FBXO25: variants seen among roughly 807,000 people sequenced by gnomAD.
FBXO25 encodes F-box only protein 25.
In FBXO25, 45 loss-of-function variants were observed where a neutral mutation model predicts 51.9. The observed-to-expected ratio is 0.87, with a 90% CI of 0.68 to 1.11. The LOEUF is 1.11. Among genes scored for constraint, FBXO25 ranks in the 50% most tolerant of loss-of-function variants. The probability of loss-of-function intolerance (pLI) is 0.00; values close to 1 mark genes in which losing one functional copy is unlikely to be tolerated. For synonymous variants in FBXO25, 199 were observed against 151.0 expected, an observed-to-expected ratio of 1.32 and a Z score of -2.33; for missense variants, 507 against 428.5, an observed-to-expected ratio of 1.18 and a Z score of -1.62.
rs1268878645 is a variant in FBXO25, at chr8:473,376, AG to A, written c.*4573del. The stretch of plus-strand genomic sequence containing the variant: ...TGGCACCTGCACATGCACCCCCAGC[AG>A]TCCTCTCTAAACTCAGGCAGTGTAT... On this transcript the variant is annotated 3_prime_UTR_variant, in exon 10 of 10. Coordinates refer to ENST00000350302, the MANE Select transcript of FBXO25 (RefSeq NM_183420.2). 2 of 152,286 alleles carry A rather than the reference AG, an allele frequency of 1.3e-5. No individual in the cohort carries two copies. Among genetic ancestry groups the A allele is most frequent in the African/African-American group, 2.4e-5 (1 of 41,440 alleles). 9.4% of individuals were successfully genotyped at this position (152,286 alleles called of 1,614,324 possible).
At chr8:466,424 C>CA (rs1563101603) in intron 9 of FBXO25, among the ~76,000 whole-genome samples, 1 of 152,224 alleles carries the variant, frequency 6.6e-6, no homozygotes, top group Non-Finnish European at 1.5e-5. Flanking sequence ...GAAACTGGCA[C>CA]ATAGCTGGTG....
At chr8:455,614 A>G (rs150595760) in intron 7 of FBXO25, among the ~76,000 whole-genome samples, 157 of 152,324 alleles carry the variant, frequency 1.0e-3, no homozygotes, top group African/African-American at 3.7e-3. Context: ...GATAATAGCA[A>G]CACAAGTTTC....
intron 2 of FBXO25, among the ~76,000 whole-genome samples, chr8:417,051 A>G (rs981441755): frequency 1.3e-5 from 2 of 152,190 alleles, no homozygotes; most frequent in African/African-American, 4.8e-5. Context: ...GGGAAAGAAA[A>G]GTGCAAAGGC....
rs949510665 is a variant in FBXO25 at position 473,653 on chromosome 8, C to G, written c.*4849C>G. 6.6e-6 allele frequency: 1 copy of G among 152,202 alleles called. No individual in the cohort carries two copies. Among genetic ancestry groups the G allele is most frequent in the Non-Finnish European group, 1.5e-5 (1 of 68,052 alleles). The allele number at this position is 152,202 out of a possible 1,614,324, so 9.4% of individuals were successfully genotyped here. On this transcript the variant is annotated 3_prime_UTR_variant, in exon 10 of 10. Coordinates refer to ENST00000350302, the MANE Select transcript of FBXO25 (RefSeq NM_183420.2). The stretch of plus-strand genomic sequence containing the variant: ...CTGGAGGGGCAAGCAGGAGAAGGCA[C>G]TGCTGGTGCCACAGGGGTCCTGGGC...
At chr8:430,572 C>G in intron 2 of FBXO25, among the ~76,000 whole-genome samples, 2 of 152,166 alleles carry the variant, frequency 1.3e-5, no homozygotes. Context: ...TCTCACATGC[C>G]TCCACCAACC....
At chr8:452,070 T>C (rs538802039) in intron 7 of FBXO25, among the ~76,000 whole-genome samples, 64 of 152,336 alleles carry the variant, frequency 4.2e-4, no homozygotes, top group Non-Finnish European at 8.1e-4. Context: ...GTGCCTTACG[T>C]AGCCTTGGTG....
At chr8:456,690 T>C (rs1223690449) in intron 7 of FBXO25, among the ~76,000 whole-genome samples, 2 of 152,166 alleles carry the variant, frequency 1.3e-5, no homozygotes, top group African/African-American at 4.8e-5. Flanking sequence ...CTTCACAAAC[T>C]GTCAAGCAGT....
chr8:466,918 T>C (rs1010136951), intron 9 of FBXO25, among the ~76,000 whole-genome samples: 2 of 152,118 alleles, frequency 1.3e-5, no homozygotes, highest in Non-Finnish European at 2.9e-5. Flanking sequence ...TTAAAAACTG[T>C]AGACTTGTTG....
At chr8:421,943 A>G (rs545426988) in intron 2 of FBXO25, among the ~76,000 whole-genome samples, 7 of 152,350 alleles carry the variant, frequency 4.6e-5, no homozygotes, top group Non-Finnish European at 7.3e-5. Flanking sequence ...ATAGCCATCC[A>G]TTTAGGCTGA....
chr8:439,885 T>C (rs1275626775), intron 5 of FBXO25, among the ~76,000 whole-genome samples: 1 of 152,212 alleles, frequency 6.6e-6, no homozygotes, highest in Non-Finnish European at 1.5e-5. Context: ...CTGGGCAACA[T>C]AGGGAGACCC....
intron 9 of FBXO25, chr8:468,269 C>A (rs1423823859): frequency 3.9e-6 from 4 of 1,013,708 alleles, no homozygotes; most frequent in Non-Finnish European, 4.7e-6. Context: ...TGCAGGGAGC[C>A]CAAGCTGATT....
chr8:413,044 C>T, intron 1 of FBXO25, 29 bp from the exon 2 acceptor site: 2 of 1,457,308 alleles, frequency 1.4e-6, no homozygotes, highest in African/African-American at 1.5e-5. Context: ...ATTATATATA[C>T]TTTTTAACAT....
intron 8 of FBXO25, among the ~76,000 whole-genome samples, chr8:459,452 C>G (rs933608095): frequency 5.3e-5 from 8 of 152,226 alleles, no homozygotes; most frequent in African/African-American, 9.6e-5. Flanking sequence ...GAATCCTTGT[C>G]TGTGTCCTGT....
At chr8:467,635 C>A in intron 9 of FBXO25, 1 of 1,353,972 alleles carries the variant, frequency 7.4e-7, no homozygotes, top group Non-Finnish European at 1.1e-6. Context: ...CTTAGATACA[C>A]TCTGGCTCTT....
intron 9 of FBXO25, chr8:468,412 G>T: frequency 4.4e-6 from 2 of 454,234 alleles, no homozygotes; most frequent in Non-Finnish European, 5.8e-6. Context: ...TGTAGATTCC[G>T]GGGCAGTGCA....
intron 7 of FBXO25, among the ~76,000 whole-genome samples, chr8:453,848 C>T (rs1295316852): frequency 6.6e-6 from 1 of 152,004 alleles, no homozygotes; most frequent in African/African-American, 2.4e-5. Context: ...CCTGGCCGGG[C>T]GCGGTGGCCC....
chr8:438,957 T>A (rs1297405497), intron 5 of FBXO25, among the ~76,000 whole-genome samples: 1 of 152,174 alleles, frequency 6.6e-6, no homozygotes, highest in Non-Finnish European at 1.5e-5. Context: ...CTTGGTTTGT[T>A]CACTGCTGTT....
At position 463,141 on chromosome 8, in the gene FBXO25, C is replaced by G. The variant is rs528404043; in HGVS notation, c.978C>G (p.Leu326=). ...TLHFCRHCSI[L]FWKDSGHPCT... The stretch of plus-strand genomic sequence containing the variant: ...ATTTCTGTCGGCACTGCAGCATTCT[C>G]TTTTGGAAGGTACTGATTTAAATGC... Residue 326 remains leucine, a synonymous_variant, in exon 9 of 10, where the codon CTC becomes CTG. Coordinates refer to ENST00000350302, the MANE Select transcript of FBXO25 (RefSeq NM_183420.2). The G allele has an allele frequency of 5.6e-6, 9 of 1,610,436 alleles. No individual in the cohort carries two copies. The East Asian group carries it at 8.9e-5, about 16-fold the overall frequency.
intron 4 of FBXO25, among the ~76,000 whole-genome samples, chr8:434,197 C>G (rs1363521132): frequency 1.3e-5 from 2 of 152,176 alleles, no homozygotes; most frequent in South Asian, 2.1e-4. Flanking sequence ...TGGTACAGAG[C>G]AAGTGCCTGC....
Sources: gnomAD v4.1 joint callset for allele counts (sites outside exome capture counted in the v4.1 genomes callset) on GRCh38, gnomAD v4.1.1 for gene constraint, MANE v1.5 for transcripts, NCBI Gene and HGNC (gene_info 2026-07-23, HGNC 2026-07-21) for gene names.